Variants in FRY observed in about 807,000 individuals in gnomAD.
FRY encodes FRY microtubule binding protein.
FRY carries 128 observed loss-of-function variants against 348.4 expected under a neutral mutation model. That is an observed-to-expected ratio of 0.37 (90% confidence interval 0.32 to 0.43). The LOEUF (loss-of-function observed/expected upper bound fraction) is 0.43. Ranked by LOEUF, FRY falls within the 20% of genes least tolerant of loss-of-function variation. The probability of loss-of-function intolerance (pLI) is 1.00; values close to 1 mark genes in which losing one functional copy is unlikely to be tolerated. For missense variants in FRY, 2,736 were observed against 3,695.2 expected, an observed-to-expected ratio of 0.74 and a Z score of 6.73; for synonymous variants, 1,370 against 1,374.7, an observed-to-expected ratio of 1.00 and a Z score of 0.08.
At chr13:32,225,416 A>G (rs371213226) in intron 38 of FRY, among the ~76,000 whole-genome samples, 4 of 152,230 alleles carry the variant, frequency 2.6e-5, no homozygotes, top group African/African-American at 9.6e-5. Flanking sequence ...TAGAGCAAAA[A>G]TGGGAAGGGG....
intron 28 of FRY, among the ~76,000 whole-genome samples, chr13:32,193,648 C>T (rs1169739082): frequency 1.4e-5 from 2 of 139,168 alleles, no homozygotes; most frequent in Non-Finnish European, 3.0e-5. Context: ...TGCAATGGCA[C>T]GATCTCAGCT....
intron 46 of FRY, among the ~76,000 whole-genome samples, chr13:32,241,823 C>T (rs965438731): frequency 1.2e-4 from 19 of 152,272 alleles, no homozygotes; most frequent in African/African-American, 4.3e-4. Flanking sequence ...GCCCTTATCA[C>T]AAAATTGTCA....
At chr13:32,220,173 T>C (rs959396934) in intron 36 of FRY, among the ~76,000 whole-genome samples, 2 of 152,238 alleles carry the variant, frequency 1.3e-5, no homozygotes, top group African/African-American at 4.8e-5. Flanking sequence ...CGTAAGTTGG[T>C]GCTTTGAATT....
chr13:32,235,577 C>T (rs539160468), intron 42 of FRY, among the ~76,000 whole-genome samples: 5 of 152,324 alleles, frequency 3.3e-5, no homozygotes, highest in African/African-American at 7.2e-5. Flanking sequence ...TAACCCAAAT[C>T]GTGCCATTGT....
chr13:32,178,403 G>C lies in FRY; in HGVS notation c.2648G>C (p.Arg883Pro), dbSNP rs1882497354. The C allele has an allele frequency of 6.2e-7, 1 of 1,613,932 alleles. No individual in the cohort carries two copies. Among genetic ancestry groups the C allele is most frequent in the Non-Finnish European group, 8.5e-7 (1 of 1,179,976 alleles). Residue 883 changes from arginine to proline, a missense_variant, in exon 21 of 61, where the codon CGG (arginine) becomes CCG (proline). Transcript: ENST00000542859. ...LSYAWPYAFTRLQSVMPLVDP... is the reference protein window; with the variant it reads ...LSYAWPYAFTPLQSVMPLVDP... ...TATGCCTGGCCTTATGCCTTCACTC[G>C]GCTCCAGTCGGTGATGCCTCTGGTG...
At position 32,058,077 on chromosome 13, in the gene FRY, GTCAT is replaced by G. The variant is rs554670232; in HGVS notation, c.71-20749_71-20746del. Among the ~76,000 whole-genome samples the G allele has an allele frequency of 1.4e-3, 208 of 152,302 alleles. No homozygotes were observed. The Middle Eastern group carries it at 0.027, about 20-fold the overall frequency. ...AGAAAAAGGAAGCATCAACTTTAAA[GTCAT>G]TCATTCAATTAATATTTGAGGGTTG... On this transcript the variant is annotated intron_variant, in intron 1 of 60. Transcript: ENST00000542859.
At position 32,147,845 on chromosome 13, in the gene FRY, T is replaced by G. The variant is rs1880550446; in HGVS notation, c.1290T>G (p.Leu430=). 11 of 1,592,962 alleles carry G rather than the reference T, an allele frequency of 6.9e-6. No homozygotes were observed. Among genetic ancestry groups the G allele is most frequent in the Non-Finnish European group, 9.5e-6 (11 of 1,160,678 alleles). Residue 430 remains leucine (L), a synonymous_variant, in exon 13 of 61, where the codon CTT becomes CTG. Transcript: ENST00000542859. ...TTTCCCCCTTATCTTTCAGCCGACT[T>G]ATAACCATCATCACAACACTTTTCC... ...CESNTATQSR[L]ITIITTLFPK...
intron 35 of FRY, among the ~76,000 whole-genome samples, chr13:32,214,432 A>T (rs1437238141): frequency 6.6e-6 from 1 of 152,174 alleles, no homozygotes; most frequent in African/African-American, 2.4e-5. Flanking sequence ...AAAGATTATG[A>T]GATTTTGAGT....
At chr13:32,277,210 G>A (rs1045412174) in intron 57 of FRY, among the ~76,000 whole-genome samples, 1 of 152,120 alleles carries the variant, frequency 6.6e-6, no homozygotes, top group East Asian at 1.9e-4. Flanking sequence ...AAAAAGCAAG[G>A]GTTTTGAAGT....
At chr13:32,266,952 C>T (rs953580322) in intron 54 of FRY, among the ~76,000 whole-genome samples, 26 of 152,162 alleles carry the variant, frequency 1.7e-4, no homozygotes, top group Admixed American at 6.5e-5. Flanking sequence ...CCACTGCACT[C>T]CAGCCTGGGC....
In FRY at chr13:32,131,748, C is replaced by T; in HGVS notation, c.793C>T (p.Gln265Ter). 1.2e-6 allele frequency: 2 copies of T among 1,613,260 alleles called. No homozygotes were observed. The highest frequency in any genetic ancestry group is 1.7e-6 in the Non-Finnish European group (2 of 1,179,224). Residue 265 changes from glutamine (Q) to a stop codon, truncating the protein, a stop_gained, in exon 8 of 61, where the codon CAA (glutamine) becomes TAA (stop). Transcript: ENST00000542859. LOFTEE classifies it high-confidence loss of function. ...RHKEQNPYVV[Q>*]SIISLIMGMK... ...CAAAGAGCAGAACCCATATGTGGTT[C>T]AAAGCATTATCAGCTTAATAATGGG...
chr13:32,280,694 T>C (rs1310888317), intron 58 of FRY, among the ~76,000 whole-genome samples: 2 of 152,248 alleles, frequency 1.3e-5, no homozygotes, highest in African/African-American at 4.8e-5. Context: ...CAAATTCTGT[T>C]ATATTCTCTG....
intron 53 of FRY, 56 bp downstream of exon 53, chr13:32,262,531 A>G (rs74044963): frequency 1.4e-5 from 19 of 1,364,320 alleles, no homozygotes; most frequent in African/African-American, 5.7e-5. Flanking sequence ...TTAAAAAAAA[A>G]CACTTCCAAT....
intron 56 of FRY, among the ~76,000 whole-genome samples, chr13:32,276,099 A>G (rs549008093): frequency 1.3e-5 from 2 of 152,352 alleles, no homozygotes; most frequent in South Asian, 4.1e-4. Flanking sequence ...AATAAGTTTG[A>G]AAGTCTTTTT....
rs770297549 is a variant in FRY, at chr13:32,249,691, T to C, written c.7170+4T>C. 6.2e-7 allele frequency: 1 copy of C among 1,613,630 alleles called. No homozygotes were observed. Among genetic ancestry groups the C allele is most frequent in the Non-Finnish European group, 8.5e-7 (1 of 1,179,600 alleles). ...GAAAAGGCCCCAGTATTCTCAGGTA[T>C]GCAATCCTAGACCCACAGTCCTGGG... On this transcript the variant is annotated splice_donor_region_variant and intron_variant, in intron 49 of 60. Coordinates refer to ENST00000542859, the MANE Select transcript of FRY (RefSeq NM_023037.3).
intron 3 of FRY, among the ~76,000 whole-genome samples, chr13:32,106,229 A>G (rs149693019): frequency 1.3e-5 from 2 of 149,950 alleles, no homozygotes; most frequent in Admixed American, 1.3e-4. Flanking sequence ...CTATGATATT[A>G]TATTTAATAT....
intron 2 of FRY, among the ~76,000 whole-genome samples, chr13:32,093,105 C>T (rs1272279526): frequency 6.6e-6 from 1 of 152,206 alleles, no homozygotes; most frequent in Non-Finnish European, 1.5e-5. Flanking sequence ...ACTCCCTGAA[C>T]CTTCCCCTGA....
intron 1 of FRY, among the ~76,000 whole-genome samples, chr13:32,074,700 T>A (rs1337002111): frequency 1.3e-5 from 2 of 152,184 alleles, no homozygotes; most frequent in Non-Finnish European, 2.9e-5. Context: ...ATGCAAAAAA[T>A]TTTAATGGGG....
At chr13:32,280,873 T>G (rs1008250007) in intron 58 of FRY, among the ~76,000 whole-genome samples, 1 of 152,228 alleles carries the variant, frequency 6.6e-6, no homozygotes, top group African/African-American at 2.4e-5. Context: ...CATTCCAACT[T>G]TAAAATACGT....
Sources: gnomAD v4.1 joint callset for allele counts (sites outside exome capture counted in the v4.1 genomes callset) on GRCh38, gnomAD v4.1.1 for gene constraint, MANE v1.5 for transcripts, NCBI Gene and HGNC (gene_info 2026-07-23, HGNC 2026-07-21) for gene names.